CTNNA3: variants seen among roughly 807,000 people sequenced by gnomAD.
CTNNA3 encodes catenin alpha-3.
In CTNNA3, 76 loss-of-function variants were observed where a neutral mutation model predicts 95.7. That is an observed-to-expected ratio of 0.79 (90% confidence interval 0.66 to 0.96). The LOEUF (loss-of-function observed/expected upper bound fraction) is 0.96. Among genes scored for constraint, CTNNA3 ranks in the 40% least tolerant of loss-of-function variants. The pLI is 0.00. For missense variants in CTNNA3, 1,191 were observed against 1,089.8 expected (o/e 1.09, Z -1.31); for synonymous variants, 431 against 374.4 (o/e 1.15, Z -1.74).
At chr10:66,322,671 T>C (rs2092205467) in intron 12 of CTNNA3, among the ~76,000 whole-genome samples, 1 of 152,068 alleles carries the variant, frequency 6.6e-6, no homozygotes, top group Admixed American at 6.6e-5. Flanking sequence ...GGGAGGGAGT[T>C]GGCAGGAGTA....
intron 11 of CTNNA3, among the ~76,000 whole-genome samples, chr10:66,515,459 G>T (rs184625503): frequency 2.6e-5 from 4 of 151,756 alleles, no homozygotes; most frequent in Non-Finnish European, 5.9e-5. Context: ...ACACAGATAC[G>T]CTAAGAACTA....
chr10:67,206,155 A>C (rs2394345), intron 6 of CTNNA3, among the ~76,000 whole-genome samples: 3 of 152,052 alleles, frequency 2.0e-5, no homozygotes, highest in African/African-American at 7.3e-5. Flanking sequence ...CAGTTATTCA[A>C]ATTACCAGGT....
intron 12 of CTNNA3, among the ~76,000 whole-genome samples, chr10:66,299,974 C>T (rs2091837789): frequency 1.3e-5 from 2 of 152,178 alleles, no homozygotes; most frequent in Non-Finnish European, 2.9e-5. Context: ...TTCACTGCAA[C>T]CTCTGCCTCC....
intron 1 of CTNNA3, among the ~76,000 whole-genome samples, chr10:67,658,444 A>G (rs1388800615): frequency 6.6e-6 from 1 of 152,188 alleles, no homozygotes; most frequent in East Asian, 1.9e-4. Context: ...AGACCTCATA[A>G]TTATTATTCA....
intron 7 of CTNNA3, among the ~76,000 whole-genome samples, chr10:66,973,217 G>A (rs1053262108): frequency 1.3e-5 from 2 of 152,050 alleles, no homozygotes; most frequent in African/African-American, 4.8e-5. Context: ...TATCAAAAAT[G>A]TCAGTTTCCA....
At chr10:67,554,605 A>AT (rs1268568515) in intron 3 of CTNNA3, among the ~76,000 whole-genome samples, 1 of 150,432 alleles carries the variant, frequency 6.6e-6, no homozygotes, top group Non-Finnish European at 1.5e-5. Flanking sequence ...GATGGGGTTG[A>AT]TTTTTTTCTT....
chr10:67,641,358 C>A (rs900987846), intron 2 of CTNNA3, among the ~76,000 whole-genome samples: 3 of 152,128 alleles, frequency 2.0e-5, no homozygotes, highest in Middle Eastern at 3.2e-3. Flanking sequence ...CAGGAAAAAA[C>A]AGGTGCTAGA....
chr10:67,534,652 G>A (rs1840436546), intron 4 of CTNNA3, among the ~76,000 whole-genome samples: 1 of 152,148 alleles, frequency 6.6e-6, no homozygotes, highest in Admixed American at 6.5e-5. Context: ...GTCTGCTCTG[G>A]TAGGTTGGAG....
intron 1 of CTNNA3, among the ~76,000 whole-genome samples, 177 bp downstream of exon 1, chr10:67,695,823 C>G (rs1264615078): frequency 6.6e-6 from 1 of 152,162 alleles, no homozygotes; most frequent in Non-Finnish European, 1.5e-5. Context: ...AGCGTGAAAG[C>G]CTACGTTTCT....
At chr10:67,498,772 G>A (rs1185339684) in intron 5 of CTNNA3, among the ~76,000 whole-genome samples, 1 of 152,124 alleles carries the variant, frequency 6.6e-6, no homozygotes, top group East Asian at 1.9e-4. Context: ...TGTGATTTTT[G>A]CGCATTGATT....
chr10:66,178,422 T>TACAC (rs1413596504), intron 13 of CTNNA3, among the ~76,000 whole-genome samples: 1 of 72,718 alleles, frequency 1.4e-5, no homozygotes, highest in South Asian at 6.4e-4. Context: ...TATATATATA[T>TACAC]ATATATATAT....
intron 7 of CTNNA3, among the ~76,000 whole-genome samples, chr10:67,111,099 C>T (rs756292267): frequency 1.3e-5 from 2 of 152,154 alleles, no homozygotes; most frequent in Non-Finnish European, 2.9e-5. Context: ...TACTCTTCCT[C>T]TCCTCTTCAC....
chr10:66,587,278 A>G (rs1478477289), intron 10 of CTNNA3, among the ~76,000 whole-genome samples: 1 of 152,090 alleles, frequency 6.6e-6, no homozygotes, highest in African/African-American at 2.4e-5. Context: ...GTGCTGGGTT[A>G]TTGTTTATGC....
intron 12 of CTNNA3, among the ~76,000 whole-genome samples, chr10:66,306,160 AT>A (rs1422851056): frequency 6.6e-6 from 1 of 152,198 alleles, no homozygotes; most frequent in Admixed American, 6.5e-5. Flanking sequence ...ACTTAACTAA[AT>A]TTTTTGAAGG....
At chr10:67,096,045 T>A (rs1857973552) in intron 7 of CTNNA3, among the ~76,000 whole-genome samples, 1 of 151,832 alleles carries the variant, frequency 6.6e-6, no homozygotes, top group South Asian at 2.1e-4. Context: ...TAACTTCATG[T>A]TTTAAATCTT....
chr10:66,644,304 C>A (rs1377202922), intron 9 of CTNNA3, among the ~76,000 whole-genome samples: 18 of 123,608 alleles, frequency 1.5e-4, no homozygotes, highest in African/African-American at 2.5e-4. Flanking sequence ...CTCTCTCTCT[C>A]TCTATATATA....
At chr10:66,928,518 T>C (rs1847201027) in intron 7 of CTNNA3, 2 of 1,445,582 alleles carry the variant, frequency 1.4e-6, no homozygotes, top group Admixed American at 2.3e-5. Flanking sequence ...TATTGAACTC[T>C]GGTGACTATC....
intron 7 of CTNNA3, among the ~76,000 whole-genome samples, chr10:67,043,063 A>T (rs1271097895): frequency 6.6e-6 from 1 of 152,090 alleles, no homozygotes; most frequent in Admixed American, 6.6e-5. Flanking sequence ...GTCAGGAAAT[A>T]CAGATATAAA....
intron 3 of CTNNA3, among the ~76,000 whole-genome samples, chr10:67,553,245 C>T (rs775466866): frequency 7.9e-5 from 12 of 152,084 alleles, no homozygotes; most frequent in Non-Finnish European, 1.6e-4. Flanking sequence ...TCCTAAAAAT[C>T]GTTTGTAACT....
Sources: allele counts gnomAD v4.1 joint callset (sites outside exome capture counted in the v4.1 genomes callset), GRCh38; gene constraint gnomAD v4.1.1; transcripts MANE v1.5; gene names NCBI Gene and HGNC (gene_info 2026-07-23, HGNC 2026-07-21).